Variants in KMT2E observed in about 807,000 individuals in gnomAD.
The protein encoded by KMT2E is lysine methyltransferase 2E (inactive), also known as histone reader KMT2E.
A neutral mutation model predicts 184.6 loss-of-function variants in KMT2E; 30 were observed. The ratio of observed to expected loss-of-function variants is 0.16; its 90% CI spans 0.12 to 0.22. The LOEUF (loss-of-function observed/expected upper bound fraction) is 0.22, where lower values mean the gene tolerates loss of function less well. Ranked by LOEUF, KMT2E falls within the 10% of genes least tolerant of loss-of-function variation. The pLI is 1.00. For missense variants in KMT2E, 2,023 were observed against 2,237.4 expected (o/e 0.90, Z 1.93); for synonymous variants, 815 against 776.5 (o/e 1.05, Z -0.82).
intron 3 of KMT2E, among the ~76,000 whole-genome samples, chr7:105,060,730 C>T (rs146365335): frequency 1.4e-4 from 22 of 152,248 alleles, no homozygotes; most frequent in African/African-American, 5.3e-4. Context: ...GCCACCACAC[C>T]CAGCCCTTAT....
At position 105,041,042 on chromosome 7, in the gene KMT2E, T is replaced by C. The variant is rs369415212; in HGVS notation, c.71+19T>C. 2.8e-6 allele frequency: 3 copies of C among 1,089,376 alleles called. No homozygotes were observed. The highest frequency in any genetic ancestry group is 3.7e-6 in the Non-Finnish European group (3 of 806,152). 67.5% of individuals were successfully genotyped at this position (1,089,376 alleles called of 1,614,324 possible). ...GTTCAGAGTAAGTATTTAAATTGGT[T>C]ACATAAGCAAAAAAAAAAAAAAAAC... On this transcript the variant is annotated intron_variant, in intron 3 of 26. Coordinates refer to ENST00000311117, the MANE Select transcript of KMT2E (RefSeq NM_182931.3).
intron 1 of KMT2E, among the ~76,000 whole-genome samples, chr7:105,022,083 A>G (rs1259988682): frequency 6.6e-6 from 1 of 152,132 alleles, no homozygotes; most frequent in African/African-American, 2.4e-5. Context: ...GCCCCCTTAC[A>G]GCCCTTATTA....
chr7:105,079,511 CTTTTTTTTTTT>C lies in KMT2E; in HGVS notation c.1248+568_1248+578del, dbSNP rs66734303. Among the ~76,000 whole-genome samples, 8 of 62,338 alleles carry C rather than the reference CTTTTTTTTTTT, an allele frequency of 1.3e-4. No individual in the cohort carries two copies. The East Asian group carries it at 3.0e-3, about 24-fold the overall frequency. The allele number at this position is 62,338 out of a possible 152,430, so 40.9% of individuals were successfully genotyped here. ...CTTATAAGAGGAAATATTGGACTTC[CTTTTTTTTTTT>C]TTTTTTTTTTTTTTTTTTTGAGGCA... On this transcript the variant is annotated intron_variant, in intron 12 of 26. Transcript: ENST00000311117.
intron 3 of KMT2E, among the ~76,000 whole-genome samples, chr7:105,042,319 T>C (rs1186539833): frequency 6.6e-6 from 1 of 152,098 alleles, no homozygotes; most frequent in Non-Finnish European, 1.5e-5. Flanking sequence ...AGGGTAATGC[T>C]GAATTTTTCA....
At chr7:105,077,546 G>A (rs1797582860) in intron 11 of KMT2E, 113 bp downstream of exon 11, 2 of 789,712 alleles carry the variant, frequency 2.5e-6, no homozygotes, top group Admixed American at 5.2e-5. Context: ...GATCATTTCA[G>A]TATTTAAAGC....
rs540469349 is a variant in KMT2E at position 105,033,665 on chromosome 7, A to AT, written c.-188-4454dup. Among the ~76,000 whole-genome samples, 28 of 151,988 alleles carry AT rather than the reference A, an allele frequency of 1.8e-4. No individual in the cohort carries two copies. The South Asian group carries it at 5.8e-3, about 32-fold the overall frequency. ...AGACGCCCGCCACCACGCCTGGCTAATTTTTTTGTATTTTTAGTAAAGATG... is the reference window on the plus strand; with the variant it reads ...AGACGCCCGCCACCACGCCTGGCTAATTTTTTTTGTATTTTTAGTAAAGATG... On this transcript the variant is annotated intron_variant, in intron 1 of 26. Transcript: ENST00000311117.
intron 3 of KMT2E, among the ~76,000 whole-genome samples, chr7:105,048,445 AT>A (rs1796194395): frequency 6.6e-6 from 1 of 152,122 alleles, no homozygotes; most frequent in Non-Finnish European, 1.5e-5. Flanking sequence ...TTAAAATTTG[AT>A]TATTTAAGGG....
intron 1 of KMT2E, among the ~76,000 whole-genome samples, chr7:105,025,979 C>G (rs943698379): frequency 1.3e-5 from 2 of 152,112 alleles, no homozygotes; most frequent in African/African-American, 4.8e-5. Context: ...CATTATTGAT[C>G]TGGTTTATGT....
rs1798907715 is a variant in KMT2E, at chr7:105,106,593, C to T, written c.2668C>T (p.Pro890Ser). The T allele has an allele frequency of 1.9e-6, 3 of 1,613,706 alleles. No individual in the cohort carries two copies. The highest frequency in any genetic ancestry group is 2.5e-6 in the Non-Finnish European group (3 of 1,179,608). ...TTCGGTTTACTCAGAAACCTCCACA[C>T]CTACTCCTTCCCCGTATGCTACACC... ...LDSVYSETST[P>S]TPSPYATPTH... is the part of the protein sequence containing the mutation. The change falls in exon 20 of 27, where the codon CCT becomes TCT. Residue 890 changes from proline (P) to serine (S), a missense_variant. Pro to Ser is a moderately conservative substitution (Grantham distance 74). Around this residue, in one of 8 missense-constraint regions of KMT2E, gnomAD observed 514 missense variants for 621.8 expected, o/e 0.83. Coordinates refer to ENST00000311117, the MANE Select transcript of KMT2E (RefSeq NM_182931.3).
rs1795738494 is a variant in KMT2E at position 105,038,127 on chromosome 7, T to A, written c.-187T>A. On this transcript the variant is annotated splice_region_variant and 5_prime_UTR_variant, in exon 2 of 27. Coordinates refer to ENST00000311117, the MANE Select transcript of KMT2E (RefSeq NM_182931.3). ...CTCCTATGTTCACTTGGTTTCTAGG[T>A]CTATTCTGGATAAGCAGGTTTTGTG... The A allele has an allele frequency of 6.6e-6, 1 of 152,224 alleles. No homozygotes were observed. Among genetic ancestry groups the A allele is most frequent in the Non-Finnish European group, 1.5e-5 (1 of 68,036 alleles). 9.4% of individuals were successfully genotyped at this position (152,224 alleles called of 1,614,324 possible). A position where few individuals can be genotyped will look rare whatever the true frequency, so the allele number is the denominator to read the frequency against.
At chr7:105,097,975 TA>T (rs1798484462) in intron 15 of KMT2E, among the ~76,000 whole-genome samples, 1 of 152,090 alleles carries the variant, frequency 6.6e-6, no homozygotes, top group Non-Finnish European at 1.5e-5. Flanking sequence ...AGTATCAAAA[TA>T]ATAAAGAGTG....
intron 8 of KMT2E, among the ~76,000 whole-genome samples, chr7:105,075,102 C>A (rs1797473626): frequency 6.6e-6 from 1 of 151,676 alleles, no homozygotes; most frequent in Non-Finnish European, 1.5e-5. Flanking sequence ...TTCTGTACTA[C>A]CAGGATTGTA....
At chr7:105,109,576 T>TA (rs1350090357) in intron 23 of KMT2E, among the ~76,000 whole-genome samples, 1 of 152,166 alleles carries the variant, frequency 6.6e-6, no homozygotes, top group Non-Finnish European at 1.5e-5. Flanking sequence ...CAGCTGCATA[T>TA]AGGATGGATC....
chr7:105,057,440 T>C (rs914150205), intron 3 of KMT2E, among the ~76,000 whole-genome samples: 8 of 152,112 alleles, frequency 5.3e-5, no homozygotes, highest in African/African-American at 1.9e-4. Context: ...TTTGAGTTGT[T>C]TTTTTTGTTT....
intron 6 of KMT2E, among the ~76,000 whole-genome samples, chr7:105,071,590 A>G (rs1278091849): frequency 6.2e-5 from 3 of 48,594 alleles, no homozygotes; most frequent in Non-Finnish European, 1.3e-4. Context: ...GTGTATATAT[A>G]TATATATATA....
At position 105,112,470 on chromosome 7, in the gene KMT2E, C is replaced by G; in HGVS notation, c.4714C>G (p.Leu1572Val). The change falls in exon 27 of 27, where the codon CTC (leucine) becomes GTC (valine). Residue 1572 changes from leucine (L) to valine (V), a missense_variant. Coordinates refer to ENST00000311117, the MANE Select transcript of KMT2E (RefSeq NM_182931.3). ...TGCAAACTTTCAGAATTATAATCAG[C>G]TCAAAGGTAGTCTTTCTCAACAAAC... ...PSANFQNYNQ[L>V]KGSLSQQTVF... is the part of the protein sequence containing the mutation. 6.2e-7 allele frequency: 1 copy of G among 1,614,000 alleles called. No homozygotes were observed. Among genetic ancestry groups the G allele is most frequent in the Non-Finnish European group, 8.5e-7 (1 of 1,179,998 alleles).
At position 105,082,753 on chromosome 7, in the gene KMT2E, A is replaced by G. The variant is rs569285013; in HGVS notation, c.1358+956A>G. 3.2e-4 allele frequency among the ~76,000 whole-genome samples: 49 copies of G among 152,264 alleles called. 1 individual carries two copies. Among genetic ancestry groups the G allele is most frequent in the Non-Finnish European group, 4.4e-4 (30 of 68,006 alleles). ...TTCTCATTTCTCTAAAAATGTTTCT[A>G]TATGGTGCCAGTCTTCCGTCATTTG... On this transcript the variant is annotated intron_variant, in intron 13 of 26. Transcript: ENST00000311117.
intron 13 of KMT2E, among the ~76,000 whole-genome samples, chr7:105,084,897 G>A (rs1278989453): frequency 2.6e-5 from 4 of 152,124 alleles, no homozygotes; most frequent in Non-Finnish European, 5.9e-5. Context: ...CATGACTGGA[G>A]TGTGAATGGC....
At chr7:105,091,706 A>T in intron 15 of KMT2E, 5 of 246,872 alleles carry the variant, frequency 2.0e-5, no homozygotes, top group Non-Finnish European at 3.0e-5. Context: ...CACCAAATAA[A>T]TTGCTTATGC....
Sources: allele counts gnomAD v4.1 joint callset (sites outside exome capture counted in the v4.1 genomes callset), GRCh38; gene constraint gnomAD v4.1.1; regional missense constraint gnomAD v4.1.1; transcripts MANE v1.5; gene names NCBI Gene and HGNC (gene_info 2026-07-23, HGNC 2026-07-21).